CACNG5: variants seen among roughly 807,000 people sequenced by gnomAD.
CACNG5 encodes calcium voltage-gated channel auxiliary subunit gamma 5.
In CACNG5, 18 loss-of-function variants were observed where a neutral mutation model predicts 24.8. The observed-to-expected ratio is 0.73, with a 90% CI of 0.50 to 1.08. The LOEUF is 1.08. Ranked by LOEUF, CACNG5 falls within the 50% of genes least tolerant of loss-of-function variation. CACNG5 has a pLI of 0.00. For missense variants in CACNG5, 349 were observed against 367.9 expected (o/e 0.95, Z 0.42); for synonymous variants, 157 against 149.1 (o/e 1.05, Z -0.39).
At chr17:66,838,961 T>TTTA in intron 1 of CACNG5, among the ~76,000 whole-genome samples, 1 of 22,638 alleles carries the variant, frequency 4.4e-5, no homozygotes, top group African/African-American at 2.6e-4. Context: ...TCACCCATTC[T>TTTA]TTTTTTTTTT....
rs1429714783 is a variant in CACNG5, at chr17:66,889,056, G to GC, written c.*3817dup. On this transcript the variant is annotated 3_prime_UTR_variant, in exon 6 of 6. Coordinates refer to ENST00000533854, the MANE Select transcript of CACNG5 (RefSeq NM_145811.3). Reference sequence around the variant, plus strand: ...GCTCACTGCAACCTCTGCTTCCTGGGCTCAAGCAATTCTCCTGCCTCAGCC... The same window carrying GC: ...GCTCACTGCAACCTCTGCTTCCTGGGCCTCAAGCAATTCTCCTGCCTCAGCC... Among the ~76,000 whole-genome samples the GC allele has an allele frequency of 6.6e-6, 1 of 152,066 alleles. No homozygotes were observed. The highest frequency in any genetic ancestry group is 1.5e-5 in the Non-Finnish European group (1 of 68,004).
chr17:66,840,041 CG>C (rs1160978142), intron 1 of CACNG5, among the ~76,000 whole-genome samples: 1 of 152,152 alleles, frequency 6.6e-6, no homozygotes, highest in African/African-American at 2.4e-5. Context: ...TCTTACTATC[CG>C]GGTGGCCTTA....
At chr17:66,863,813 T>G (rs755088893) in intron 1 of CACNG5, among the ~76,000 whole-genome samples, 9 of 152,246 alleles carry the variant, frequency 5.9e-5, no homozygotes, top group Non-Finnish European at 1.2e-4. Context: ...GATAACAACT[T>G]TCCTCAATTT....
rs1401565204 is a variant in CACNG5 at position 66,879,965 on chromosome 17, GCAA to G, written c.284-591_284-589del. 2.0e-5 allele frequency among the ~76,000 whole-genome samples: 3 copies of G among 152,136 alleles called. No homozygotes were observed. In the South Asian group the frequency reaches 6.2e-4, roughly 32 times the overall value. On this transcript the variant is annotated intron_variant, in intron 3 of 5. Coordinates refer to ENST00000533854, the MANE Select transcript of CACNG5 (RefSeq NM_145811.3). ...GCCCCCATCCTGAGTCACCTGGTTA[GCAA>G]AAACTCAGGTGTGGTTGAGAGACCC...
At chr17:66,880,742 T>A in intron 4 of CACNG5, 45 bp downstream of exon 4, 2 of 1,600,910 alleles carry the variant, frequency 1.2e-6, no homozygotes, top group Non-Finnish European at 1.7e-6. Flanking sequence ...AATTTTTTGT[T>A]TTTTGTTTTT....
intron 1 of CACNG5, among the ~76,000 whole-genome samples, chr17:66,859,873 C>T (rs555397564): frequency 6.6e-6 from 1 of 152,216 alleles, no homozygotes; most frequent in East Asian, 1.9e-4. Context: ...CCACCCTCTC[C>T]TTCCTCCCTT....
At chr17:66,851,757 G>C (rs900213378) in intron 1 of CACNG5, among the ~76,000 whole-genome samples, 4 of 152,224 alleles carry the variant, frequency 2.6e-5, no homozygotes, top group African/African-American at 9.6e-5. Flanking sequence ...AAAATGATAT[G>C]TGGGATAATC....
rs1020479514 is a variant in CACNG5 at position 66,890,086 on chromosome 17, G to A, written c.*4846G>A. Among the ~76,000 whole-genome samples the A allele has an allele frequency of 6.6e-6, 1 of 152,180 alleles. No homozygotes were observed. The highest frequency in any genetic ancestry group is 1.5e-5 in the Non-Finnish European group (1 of 68,034). On this transcript the variant is annotated 3_prime_UTR_variant, in exon 6 of 6. Coordinates refer to ENST00000533854, the MANE Select transcript of CACNG5 (RefSeq NM_145811.3). ...CTCAGTGAACCACTTTCATATGCTCGTGTGACACTTGGAAGTTAACCTGCC... is the reference window on the plus strand; with the variant it reads ...CTCAGTGAACCACTTTCATATGCTCATGTGACACTTGGAAGTTAACCTGCC...
chr17:66,843,416 T>C (rs1976593050), intron 1 of CACNG5, among the ~76,000 whole-genome samples: 1 of 152,186 alleles, frequency 6.6e-6, no homozygotes, highest in African/African-American at 2.4e-5. Context: ...TGGTTTTTAT[T>C]TTCTGGTTAT....
At chr17:66,860,955 G>A (rs1428524188) in intron 1 of CACNG5, among the ~76,000 whole-genome samples, 1 of 151,874 alleles carries the variant, frequency 6.6e-6, no homozygotes, top group Non-Finnish European at 1.5e-5. Context: ...AGCCAACCCT[G>A]ATGTAGATAA....
intron 1 of CACNG5, among the ~76,000 whole-genome samples, chr17:66,868,830 A>T (rs1466020095): frequency 2.0e-5 from 3 of 152,172 alleles, no homozygotes; most frequent in Non-Finnish European, 4.4e-5. Flanking sequence ...AGAGCATTTT[A>T]TCTCCTCACA....
At chr17:66,836,694 C>T (rs72843331) in intron 1 of CACNG5, among the ~76,000 whole-genome samples, 21 of 152,312 alleles carry the variant, frequency 1.4e-4, no homozygotes, top group Non-Finnish European at 2.1e-4. Flanking sequence ...CTGAGACCTC[C>T]CCACCCCCAA....
In CACNG5 at chr17:66,880,668, T is replaced by C; in HGVS notation, c.395T>C (p.Phe132Ser). Residue 132 changes from phenylalanine to serine, a missense_variant, in exon 4 of 6, where the codon TTT becomes TCT. Phe to Ser is a radical substitution (Grantham distance 155). Transcript: ENST00000533854. ...HIRPHRTILAFVSGIFFILSG... is the reference protein window; with the variant it reads ...HIRPHRTILASVSGIFFILSG... ...CGTCCCCACCGGACGATACTGGCCT[T>C]TGTCTCTGGCATCTTCTTTATCCTC... 6.2e-7 allele frequency: 1 copy of C among 1,614,248 alleles called. No homozygotes were observed.
intron 1 of CACNG5, among the ~76,000 whole-genome samples, chr17:66,863,048 A>G (rs1050729320): frequency 6.6e-6 from 1 of 151,380 alleles, no homozygotes; most frequent in Non-Finnish European, 1.5e-5. Flanking sequence ...TATGGGGTTT[A>G]TTTGCATTCT....
In CACNG5 at chr17:66,877,226, T is replaced by G; in HGVS notation, c.-103-4T>G. 1 of 903,308 alleles carries G rather than the reference T, an allele frequency of 1.1e-6. No individual in the cohort carries two copies. Among genetic ancestry groups the G allele is most frequent in the South Asian group, 1.6e-5 (1 of 60,892 alleles). 56.0% of individuals were successfully genotyped at this position (903,308 alleles called of 1,614,324 possible). On this transcript the variant is annotated splice_polypyrimidine_tract_variant and splice_region_variant and intron_variant, in intron 1 of 5. Transcript: ENST00000533854. ...TTACTGGCTCCTCATCTTCGTCTTC[T>G]CAGAGCCGTGGGTACTGCCACCTGC...
At chr17:66,853,159 A>C (rs924233829) in intron 1 of CACNG5, among the ~76,000 whole-genome samples, 7 of 152,284 alleles carry the variant, frequency 4.6e-5, no homozygotes, top group Non-Finnish European at 8.8e-5. Context: ...TAATGCTTTC[A>C]AGATATCACC....
chr17:66,884,394 A>G, intron 4 of CACNG5, 122 bp from the exon 5 acceptor site: 2 of 987,504 alleles, frequency 2.0e-6, no homozygotes, highest in Middle Eastern at 3.2e-4. Context: ...AACTCCACTG[A>G]GAGCATTGTT....
chr17:66,843,447 G>A (rs566024003), intron 1 of CACNG5, among the ~76,000 whole-genome samples: 1 of 152,100 alleles, frequency 6.6e-6, no homozygotes, highest in Non-Finnish European at 1.5e-5. Flanking sequence ...TCTGTTTCTG[G>A]CAGAATGTTT....
chr17:66,861,340 TAG>T (rs1976855082), intron 1 of CACNG5, among the ~76,000 whole-genome samples: 1 of 152,260 alleles, frequency 6.6e-6, no homozygotes, highest in Non-Finnish European at 1.5e-5. Flanking sequence ...TGTGCCAGGC[TAG>T]AGTCTCTATT....
Sources: gnomAD v4.1 joint callset for allele counts (sites outside exome capture counted in the v4.1 genomes callset) on GRCh38, gnomAD v4.1.1 for gene constraint, MANE v1.5 for transcripts, NCBI Gene and HGNC (gene_info 2026-07-23, HGNC 2026-07-21) for gene names.